The following GRAP variants were observed in gnomAD, a reference collection of about 807,000 sequenced individuals.
GRAP encodes GRB2 related adaptor protein, also known as GRB2-related adapter protein.
In GRAP, 2 loss-of-function variants were observed where a neutral mutation model predicts 9.1. The ratio of observed to expected loss-of-function variants is 0.22; its 90% CI spans 0.09 to 0.69. The LOEUF (loss-of-function observed/expected upper bound fraction) is 0.69. Among genes scored for constraint, GRAP ranks in the 30% least tolerant of loss-of-function variants. The pLI, the probability that GRAP is intolerant of heterozygous loss-of-function variation, is 0.81. For synonymous variants in GRAP, 68 were observed against 73.6 expected (o/e 0.92, Z 0.39); for missense variants, 113 against 179.4 (o/e 0.63, Z 2.12).
Position 19,022,000 on chromosome 17 carries a change from C to G in GRAP, c.613G>C (p.Gly205Arg). 1 of 1,590,236 alleles carries G rather than the reference C, an allele frequency of 6.3e-7. No homozygotes were observed. Among genetic ancestry groups the G allele is most frequent in the Non-Finnish European group, 8.6e-7 (1 of 1,169,296 alleles). Residue 205 changes from glycine to arginine, a missense_variant, in exon 5 of 5, where the codon GGC (glycine) becomes CGC (arginine). Physicochemically the swap from Gly to Arg is moderately radical, Grantham distance 125 (BLOSUM62 -2). Transcript: ENST00000284154. This position sits in a 1 kb window ranked among gnomAD's most constrained non-coding sequence, Gnocchi z 4.1. ...TGCACGTAACTCCGTGGGAAGAAGC[C>G]AACGCGCCCGCAGGACCGGCCCCGC... ...WWRGRSCGRV[G>R]FFPRSYVQPV...
In GRAP at chr17:19,021,065, G is replaced by C. The variant is rs972295155; in HGVS notation, c.*894C>G. 6.5e-6 allele frequency: 1 copy of C among 152,736 alleles called. No individual in the cohort carries two copies. Among genetic ancestry groups the C allele is most frequent in the South Asian group, 2.1e-4 (1 of 4,828 alleles). 9.5% of individuals were successfully genotyped at this position (152,736 alleles called of 1,614,324 possible). On this transcript the variant is annotated 3_prime_UTR_variant, in exon 5 of 5. Coordinates refer to ENST00000284154, the MANE Select transcript of GRAP (RefSeq NM_006613.4). This position sits in a 1 kb window ranked among gnomAD's most constrained non-coding sequence, Gnocchi z 4.1. Reference sequence around the variant, plus strand: ...TTCTCTGGAGGACCCTCCTGTTCTCGGGTAGGGGCCGTGCCCCACCTAGGT... The same window carrying C: ...TTCTCTGGAGGACCCTCCTGTTCTCCGGTAGGGGCCGTGCCCCACCTAGGT...
At position 19,020,940 on chromosome 17, in the gene GRAP, C is replaced by G. The variant is rs1048760388; in HGVS notation, c.*1019G>C. On this transcript the variant is annotated 3_prime_UTR_variant, in exon 5 of 5. Coordinates refer to ENST00000284154, the MANE Select transcript of GRAP (RefSeq NM_006613.4). ...CTGCCCACCATCCCTCAACCATCAGCCTGGCGTTCAAAGCCTTTCCAAGTC... is the reference window on the plus strand; with the variant it reads ...CTGCCCACCATCCCTCAACCATCAGGCTGGCGTTCAAAGCCTTTCCAAGTC... The G allele has an allele frequency of 4.4e-5, 7 of 159,748 alleles. No individual in the cohort carries two copies. The highest frequency in any genetic ancestry group is 1.7e-4 in the African/African-American group (7 of 41,666). The allele number at this position is 159,748 out of a possible 1,614,324, so 9.9% of individuals were successfully genotyped here.
intron 4 of GRAP, among the ~76,000 whole-genome samples, chr17:19,023,777 C>T (rs1489706739): frequency 6.6e-6 from 1 of 151,910 alleles, no homozygotes; most frequent in Admixed American, 6.6e-5. Flanking sequence ...AGTCACTGCA[C>T]TCTCTGAGCC....
chr17:19,043,923 T>C (rs1340809368), intron 1 of GRAP, among the ~76,000 whole-genome samples: 1 of 149,646 alleles, frequency 6.7e-6, no homozygotes, highest in Non-Finnish European at 1.5e-5. Context: ...AATGTCCCAT[T>C]GGTTACATTA....
In GRAP at chr17:19,024,539, C is replaced by T; in HGVS notation, c.300-156G>A. 1.6e-5 allele frequency: 14 copies of T among 849,614 alleles called. No individual in the cohort carries two copies. Among genetic ancestry groups the T allele is most frequent in the Non-Finnish European group, 2.0e-5 (14 of 705,986 alleles). The allele number at this position is 849,614 out of a possible 1,614,324, so 52.6% of individuals were successfully genotyped here. ...AGTGGGAGAGGCCCCACTGACCCAG[C>T]TCCACATGGGGTCTGGGGAGTCCCA... On this transcript the variant is annotated intron_variant, in intron 3 of 4. Transcript: ENST00000284154. This position sits in a 1 kb window ranked among gnomAD's most constrained non-coding sequence, Gnocchi z 4.2.
chr17:19,023,827 C>T (rs1207289200), intron 4 of GRAP, among the ~76,000 whole-genome samples: 1 of 151,964 alleles, frequency 6.6e-6, no homozygotes, highest in Non-Finnish European at 1.5e-5. Context: ...ATGAGGCTCC[C>T]AGAGTACAGA....
Position 19,020,996 on chromosome 17 carries a change from C to T in GRAP, c.*963G>A, listed in dbSNP as rs1205210028. ...TCACTTTTCCCTCTCCCAAAGGTGCCCAGGCTCTGGGCAGGCCCTGCTCAT... is the reference window on the plus strand; with the variant it reads ...TCACTTTTCCCTCTCCCAAAGGTGCTCAGGCTCTGGGCAGGCCCTGCTCAT... On this transcript the variant is annotated 3_prime_UTR_variant, in exon 5 of 5. Coordinates refer to ENST00000284154, the MANE Select transcript of GRAP (RefSeq NM_006613.4). 1.3e-5 allele frequency: 2 copies of T among 156,102 alleles called. No individual in the cohort carries two copies. Among genetic ancestry groups the T allele is most frequent in the Admixed American group, 6.2e-5 (1 of 16,156 alleles). The allele number at this position is 156,102 out of a possible 1,614,324, so 9.7% of individuals were successfully genotyped here. A position where few individuals can be genotyped will look rare whatever the true frequency, so the allele number is the denominator to read the frequency against.
chr17:19,024,607 G>T lies in GRAP; in HGVS notation c.300-224C>A. The T allele has an allele frequency of 4.0e-6, 1 of 250,562 alleles. No homozygotes were observed. The allele number at this position is 250,562 out of a possible 1,614,324, so 15.5% of individuals were successfully genotyped here. On this transcript the variant is annotated intron_variant, in intron 3 of 4. Coordinates refer to ENST00000284154, the MANE Select transcript of GRAP (RefSeq NM_006613.4). The surrounding 1 kb of genome is among the most constrained non-coding windows in gnomAD (Gnocchi z 4.2). ...GGGTTAATTTAAGGGTGTGGGCTCTGAACCAGGCCACTTTCTCACTGTGTG... is the reference window on the plus strand; with the variant it reads ...GGGTTAATTTAAGGGTGTGGGCTCTTAACCAGGCCACTTTCTCACTGTGTG...
chr17:19,021,944 C>T lies in GRAP; in HGVS notation c.*15G>A, dbSNP rs1326265992. ...CTGTAAAAAGGCCCGTTGGCCAGAT[C>T]GGCCGCCGGGCTGCTCACAGGTGCA... On this transcript the variant is annotated 3_prime_UTR_variant, in exon 5 of 5. Transcript: ENST00000284154. This position sits in a 1 kb window ranked among gnomAD's most constrained non-coding sequence, Gnocchi z 4.1. 1.0e-5 allele frequency: 15 copies of T among 1,496,668 alleles called. No individual in the cohort carries two copies. The highest frequency in any genetic ancestry group is 7.0e-5 in the Admixed American group (3 of 43,048). The allele number at this position is 1,496,668 out of a possible 1,614,324, so 92.7% of individuals were successfully genotyped here.
chr17:19,022,282 G>A, intron 4 of GRAP, 138 bp from the exon 5 acceptor site: 1 of 510,316 alleles, frequency 2.0e-6, no homozygotes, highest in Admixed American at 4.0e-5. Context: ...TTTAAGTCCA[G>A]ATCAATGGTA....
chr17:19,022,180 A>C (rs2044275885), intron 4 of GRAP, 36 bp from the exon 5 acceptor site: 4 of 1,267,604 alleles, frequency 3.2e-6, no homozygotes, highest in Non-Finnish European at 4.2e-6. Context: ...GGGTGCCTTC[A>C]GAAGCCCTGC....
rs1436461970 is a variant in GRAP, at chr17:19,024,541, C to T, written c.300-158G>A. On this transcript the variant is annotated intron_variant, in intron 3 of 4. Transcript: ENST00000284154. The surrounding 1 kb of genome is among the most constrained non-coding windows in gnomAD (Gnocchi z 4.2). Reference sequence around the variant, plus strand: ...TGGGAGAGGCCCCACTGACCCAGCTCCACATGGGGTCTGGGGAGTCCCATC... The same window carrying T: ...TGGGAGAGGCCCCACTGACCCAGCTTCACATGGGGTCTGGGGAGTCCCATC... The T allele has an allele frequency of 5.9e-6, 5 of 842,532 alleles. No individual in the cohort carries two copies. Among genetic ancestry groups the T allele is most frequent in the Non-Finnish European group, 7.1e-6 (5 of 699,452 alleles). 52.2% of individuals were successfully genotyped at this position (842,532 alleles called of 1,614,324 possible).
intron 4 of GRAP, among the ~76,000 whole-genome samples, chr17:19,023,159 C>T (rs2044286766): frequency 6.6e-6 from 1 of 152,148 alleles, no homozygotes; most frequent in Admixed American, 6.5e-5. Flanking sequence ...CTCACAGTGA[C>T]CTGGGCACTC....
At chr17:19,023,958 TA>T (rs1389233778) in intron 4 of GRAP, among the ~76,000 whole-genome samples, 2 of 152,144 alleles carry the variant, frequency 1.3e-5, no homozygotes, top group Non-Finnish European at 2.9e-5. Context: ...GAGAACAAGC[TA>T]GACAGTTTGT....
chr17:19,024,231 T>TC lies in GRAP; in HGVS notation c.451dup (p.Glu151GlyfsTer18). 1 of 1,592,170 alleles carries TC rather than the reference T, an allele frequency of 6.3e-7. No individual in the cohort carries two copies. Among genetic ancestry groups the TC allele is most frequent in the Non-Finnish European group, 8.5e-7 (1 of 1,169,600 alleles). ...CGCCCCTACCTTGAGCAAGGGCTCCTCGTCGCGCAGGAAGATCTGCCGCTT... is the reference window on the plus strand; with the variant it reads ...CGCCCCTACCTTGAGCAAGGGCTCCTCCGTCGCGCAGGAAGATCTGCCGCTT... On this transcript the variant is annotated frameshift_variant, in exon 4 of 5. Coordinates refer to ENST00000284154, the MANE Select transcript of GRAP (RefSeq NM_006613.4). LOFTEE classifies it low-confidence loss of function (END_TRUNC). The surrounding 1 kb of genome is among the most constrained non-coding windows in gnomAD (Gnocchi z 4.2).
chr17:19,021,831 A>T lies in GRAP; in HGVS notation c.*128T>A. 1 of 954,222 alleles carries T rather than the reference A, an allele frequency of 1.0e-6. No homozygotes were observed. Among genetic ancestry groups the T allele is most frequent in the Middle Eastern group, 3.7e-4 (1 of 2,738 alleles). The allele number at this position is 954,222 out of a possible 1,614,324, so 59.1% of individuals were successfully genotyped here. A position where few individuals can be genotyped will look rare whatever the true frequency, so the allele number is the denominator to read the frequency against. ...TGCAGAGCGGCCGGAGGCAGTTAGGAGCCCACGTTCAGTCCAAGGCCGTCC... is the reference window on the plus strand; with the variant it reads ...TGCAGAGCGGCCGGAGGCAGTTAGGTGCCCACGTTCAGTCCAAGGCCGTCC... On this transcript the variant is annotated 3_prime_UTR_variant, in exon 5 of 5. Coordinates refer to ENST00000284154, the MANE Select transcript of GRAP (RefSeq NM_006613.4). The surrounding 1 kb of genome is among the most constrained non-coding windows in gnomAD (Gnocchi z 4.1).
chr17:19,022,308 C>A, intron 4 of GRAP, 164 bp from the exon 5 acceptor site: 2 of 480,332 alleles, frequency 4.2e-6, no homozygotes, highest in East Asian at 7.0e-5. Flanking sequence ...ACCACTGGGC[C>A]TCCTGCTGCC....
rs1381882416 is a variant in GRAP at position 19,021,510 on chromosome 17, A to T, written c.*449T>A. 1 of 274,736 alleles carries T rather than the reference A, an allele frequency of 3.6e-6. No homozygotes were observed. The highest frequency in any genetic ancestry group is 6.8e-6 in the Non-Finnish European group (1 of 147,310). 17.0% of individuals were successfully genotyped at this position (274,736 alleles called of 1,614,324 possible). A position where few individuals can be genotyped will look rare whatever the true frequency, so the allele number is the denominator to read the frequency against. On this transcript the variant is annotated 3_prime_UTR_variant, in exon 5 of 5. Coordinates refer to ENST00000284154, the MANE Select transcript of GRAP (RefSeq NM_006613.4). The surrounding 1 kb of genome is among the most constrained non-coding windows in gnomAD (Gnocchi z 4.1). ...GCTGAGCCACCTCCCAACAGCCTGA[A>T]CAACTCCAGGGGCCTTTTGAGGGAG...
At chr17:19,027,484 GCACACACA>G (rs776285201) in intron 3 of GRAP, among the ~76,000 whole-genome samples, 10 of 121,098 alleles carry the variant, frequency 8.3e-5, no homozygotes, top group Admixed American at 1.8e-4. Flanking sequence ...GCGCGCGCGC[GCACACACA>G]CACACACACA....
Sources: gnomAD v4.1 joint callset for allele counts (sites outside exome capture counted in the v4.1 genomes callset) on GRCh38, gnomAD v4.1.1 for gene constraint, Gnocchi (gnomAD v3.1) non-coding constraint, MANE v1.5 for transcripts, NCBI Gene and HGNC (gene_info 2026-07-23, HGNC 2026-07-21) for gene names.